ADGRL2: variants seen among roughly 807,000 people sequenced by gnomAD.
The protein encoded by ADGRL2 is calcium-independent alpha-latrotoxin receptor 2.
In ADGRL2, 44 loss-of-function variants were observed where a neutral mutation model predicts 157.4. That is an observed-to-expected ratio of 0.28 (90% CI 0.22 to 0.36). ADGRL2 has a LOEUF of 0.36. ADGRL2 is among the 10% of genes least tolerant of loss of function. The pLI is 1.00. For missense variants in ADGRL2, 1,510 were observed against 1,768.9 expected, an observed-to-expected ratio of 0.85 and a Z score of 2.63; for synonymous variants, 585 against 624.7, an observed-to-expected ratio of 0.94 and a Z score of 0.95.
At chr1:81,650,595 A>AAAAAG (rs1198433458) in intron 3 of ADGRL2, among the ~76,000 whole-genome samples, 3 of 150,856 alleles carry the variant, frequency 2.0e-5, no homozygotes, top group African/African-American at 4.9e-5. Context: ...AAAAAAAAAG[A>AAAAAG]AAAAGAAAAG....
chr1:81,645,725 G>A (rs2082302535), intron 3 of ADGRL2, among the ~76,000 whole-genome samples: 1 of 152,116 alleles, frequency 6.6e-6, no homozygotes, highest in African/African-American at 2.4e-5. Flanking sequence ...GTCATGATAT[G>A]AATGTACCTT....
At chr1:81,622,230 C>G (rs1056632989) in intron 3 of ADGRL2, among the ~76,000 whole-genome samples, 1 of 152,136 alleles carries the variant, frequency 6.6e-6, no homozygotes, top group Non-Finnish European at 1.5e-5. Flanking sequence ...GTCCATTATT[C>G]CGCTGGTCTT....
At chr1:81,620,191 A>G (rs2081759159) in intron 3 of ADGRL2, among the ~76,000 whole-genome samples, 1 of 152,230 alleles carries the variant, frequency 6.6e-6, no homozygotes, top group African/African-American at 2.4e-5. Context: ...GTGGAACAAG[A>G]TATAGTTGTA....
At chr1:81,758,107 C>A (rs2085751406) in intron 1 of ADGRL2, among the ~76,000 whole-genome samples, 1 of 152,162 alleles carries the variant, frequency 6.6e-6, no homozygotes, top group African/African-American at 2.4e-5. Context: ...ATTCAGCATT[C>A]TTGCTGAAGA....
intron 1 of ADGRL2, among the ~76,000 whole-genome samples, chr1:81,404,693 A>C (rs2076822293): frequency 6.6e-6 from 1 of 152,202 alleles, no homozygotes; most frequent in Non-Finnish European, 1.5e-5. Context: ...ATTCAGGTGA[A>C]TAGTCATTTC....
chr1:81,874,739 T>C (rs572313817), intron 2 of ADGRL2, among the ~76,000 whole-genome samples: 1 of 152,056 alleles, frequency 6.6e-6, no homozygotes, highest in Non-Finnish European at 1.5e-5. Context: ...GGAGTCTTGC[T>C]CTGTACCCCA....
intron 1 of ADGRL2, among the ~76,000 whole-genome samples, chr1:81,706,750 A>G (rs1291017290): frequency 6.6e-6 from 1 of 152,150 alleles, no homozygotes; most frequent in African/African-American, 2.4e-5. Context: ...AAGGGTGGAG[A>G]GTTTCTGGAA....
intron 2 of ADGRL2, among the ~76,000 whole-genome samples, chr1:81,790,895 C>T (rs1462345539): frequency 1.3e-5 from 2 of 151,796 alleles, no homozygotes; most frequent in Admixed American, 6.6e-5. Flanking sequence ...GAAACCCTGT[C>T]TCTGCCAAAA....
chr1:81,423,520 A>G (rs1290736578), intron 1 of ADGRL2, among the ~76,000 whole-genome samples: 1 of 152,240 alleles, frequency 6.6e-6, no homozygotes, highest in Non-Finnish European at 1.5e-5. Flanking sequence ...GAGAGGAAGA[A>G]AAACAAGTCA....
chr1:81,366,708 T>C (rs1289105398), intron 1 of ADGRL2, among the ~76,000 whole-genome samples: 1 of 152,210 alleles, frequency 6.6e-6, no homozygotes, highest in Non-Finnish European at 1.5e-5. Context: ...ATGAAATGCC[T>C]CCATATTTCA....
intron 11 of ADGRL2, among the ~76,000 whole-genome samples, chr1:81,964,591 A>G (rs183113844): frequency 3.3e-4 from 50 of 152,252 alleles, no homozygotes; most frequent in Non-Finnish European, 1.2e-4. Context: ...TATTATATTT[A>G]CACCTAAATA....
intron 1 of ADGRL2, among the ~76,000 whole-genome samples, chr1:81,725,268 G>A (rs1485023690): frequency 6.6e-6 from 1 of 150,898 alleles, no homozygotes; most frequent in South Asian, 2.1e-4. Context: ...CGCCAGGCAC[G>A]GTGGCTCTTA....
At chr1:81,345,462 C>T (rs1570678522) in intron 1 of ADGRL2, among the ~76,000 whole-genome samples, 1 of 152,176 alleles carries the variant, frequency 6.6e-6, no homozygotes, top group South Asian at 2.1e-4. Flanking sequence ...CTCATCTATT[C>T]TTATCACCAC....
chr1:81,984,021 AG>A (rs1487436172), intron 19 of ADGRL2, among the ~76,000 whole-genome samples: 3 of 152,012 alleles, frequency 2.0e-5, no homozygotes, highest in Non-Finnish European at 1.5e-5. Flanking sequence ...TCCTAATTAG[AG>A]GCAAATGTAT....
chr1:81,810,326 TA>T (rs1286855113), intron 1 of ADGRL2, among the ~76,000 whole-genome samples: 1 of 73,152 alleles, frequency 1.4e-5, no homozygotes, highest in African/African-American at 4.9e-5. Flanking sequence ...TCAATTTACA[TA>T]ACAAATAATC....
At chr1:81,593,390 C>T (rs1429298259) in intron 3 of ADGRL2, among the ~76,000 whole-genome samples, 1 of 152,166 alleles carries the variant, frequency 6.6e-6, no homozygotes, top group Non-Finnish European at 1.5e-5. Context: ...TCTGTGCCTC[C>T]TCAGTTTCCT....
chr1:81,449,147 T>C, intron 2 of ADGRL2, among the ~76,000 whole-genome samples: 1 of 152,040 alleles, frequency 6.6e-6, no homozygotes, highest in African/African-American at 2.4e-5. Flanking sequence ...AGTGATACTA[T>C]GGATTTATAT....
intron 1 of ADGRL2, among the ~76,000 whole-genome samples, chr1:81,308,408 G>C (rs1246380893): frequency 6.6e-6 from 1 of 152,126 alleles, no homozygotes; most frequent in Non-Finnish European, 1.5e-5. Context: ...ACCCTACACA[G>C]GAAAACCTTA....
chr1:81,579,568 C>T (rs147214061), intron 2 of ADGRL2, among the ~76,000 whole-genome samples: 1 of 152,122 alleles, frequency 6.6e-6, no homozygotes, highest in East Asian at 1.9e-4. Flanking sequence ...AACCTACCGA[C>T]ACATTTTGGT....
Sources: allele counts gnomAD v4.1 joint callset (sites outside exome capture counted in the v4.1 genomes callset), GRCh38; gene constraint gnomAD v4.1.1; transcripts MANE v1.5; gene names NCBI Gene and HGNC (gene_info 2026-07-23, HGNC 2026-07-21).